Variants in SLC5A7 observed in about 807,000 individuals in gnomAD.
SLC5A7 encodes the protein high affinity choline transporter 1.
A neutral mutation model predicts 55.4 loss-of-function variants in SLC5A7; 19 were observed. That is an observed-to-expected ratio of 0.34 (90% CI 0.24 to 0.50). The LOEUF is 0.50. Among genes scored for constraint, SLC5A7 ranks in the 20% least tolerant of loss-of-function variants. SLC5A7 has a pLI of 0.98. For synonymous variants in SLC5A7, 265 were observed against 263.7 expected (o/e 1.00, Z -0.05); for missense variants, 506 against 705.3 (o/e 0.72, Z 3.20).
intron 2 of SLC5A7, among the ~76,000 whole-genome samples, chr2:107,991,862 T>C (rs1459977583): frequency 1.3e-5 from 2 of 152,180 alleles, no homozygotes; most frequent in Non-Finnish European, 2.9e-5. Context: ...AAGAAATAGG[T>C]AAATTAATGT....
At position 108,010,833 on chromosome 2, in the gene SLC5A7, G is replaced by A. The variant is rs1203381977; in HGVS notation, c.1715G>A (p.Gly572Glu). 1 of 1,590,004 alleles carries A rather than the reference G, an allele frequency of 6.3e-7. No individual in the cohort carries two copies. The highest frequency in any genetic ancestry group is 8.5e-7 in the Non-Finnish European group (1 of 1,173,260). The change falls in exon 9 of 9, where the codon GGG becomes GAG. Residue 572 changes from glycine to glutamate, a missense_variant. Physicochemically the swap from Gly to Glu is moderately conservative, Grantham distance 98 (BLOSUM62 -2). Transcript: ENST00000264047. ...AFLDVDSSPE[G>E]SGTEDNLQ Reference sequence around the variant, plus strand: ...CTTGATGTTGATTCCAGTCCAGAAGGGTCTGGGACTGAAGATAATTTACAG... The same window carrying A: ...CTTGATGTTGATTCCAGTCCAGAAGAGTCTGGGACTGAAGATAATTTACAG...
chr2:108,002,999 C>T (rs1677975538), intron 6 of SLC5A7, among the ~76,000 whole-genome samples: 1 of 152,098 alleles, frequency 6.6e-6, no homozygotes, highest in Non-Finnish European at 1.5e-5. Flanking sequence ...CTAGCATTAC[C>T]TCAACACTCA....
intron 4 of SLC5A7, among the ~76,000 whole-genome samples, chr2:107,993,501 A>G (rs540341375): frequency 3.9e-4 from 59 of 152,358 alleles, no homozygotes; most frequent in African/African-American, 1.3e-3. Flanking sequence ...ACCAGGGGTT[A>G]GTGAGAATAC....
rs1022919602 is a variant in SLC5A7 at position 108,012,832 on chromosome 2, G to A, written c.*1971G>A. On this transcript the variant is annotated 3_prime_UTR_variant, in exon 9 of 9. Transcript: ENST00000264047. ...TCATTAAAGAAAAACCACAGATACT[G>A]AAACATTTGACACATAAAAGTAATT... 9.9e-5 allele frequency: 15 copies of A among 152,114 alleles called. No individual in the cohort carries two copies. Among genetic ancestry groups the A allele is most frequent in the African/African-American group, 2.7e-4 (11 of 41,420 alleles). 9.4% of individuals were successfully genotyped at this position (152,114 alleles called of 1,614,324 possible).
At chr2:108,008,947 C>T (rs1678217574) in intron 8 of SLC5A7, among the ~76,000 whole-genome samples, 1 of 151,568 alleles carries the variant, frequency 6.6e-6, no homozygotes, top group East Asian at 1.9e-4. Flanking sequence ...ATCATTTAAC[C>T]TTTTTGTCTT....
intron 7 of SLC5A7, among the ~76,000 whole-genome samples, chr2:108,008,078 T>C (rs528838421): frequency 6.6e-6 from 1 of 152,210 alleles, no homozygotes; most frequent in Non-Finnish European, 1.5e-5. Context: ...TTTCTTCATT[T>C]ACACATGAAT....
In SLC5A7 at chr2:107,993,111, A is replaced by C; in HGVS notation, c.432A>C (p.Ala144=). The change falls in exon 4 of 9, where the codon GCA becomes GCC. Residue 144 remains alanine (A), a synonymous_variant. Coordinates refer to ENST00000264047, the MANE Select transcript of SLC5A7 (RefSeq NM_021815.5). Reference sequence around the variant, plus strand: ...TGGGAGAAATGTTCTGGGCTGCAGCAATTTTCTCTGCTTTGGGTAAGGACC... The same window carrying C: ...TGGGAGAAATGTTCTGGGCTGCAGCCATTTTCTCTGCTTTGGGTAAGGACC... ...ALMGEMFWAA[A]IFSALGATIS... The C allele has an allele frequency of 6.2e-7, 1 of 1,614,152 alleles. No homozygotes were observed.
Position 108,010,684 on chromosome 2 carries a change from T to G in SLC5A7, c.1566T>G (p.Ser522Arg). ...TTGATGCTGTTGTTGCAAGACACAG[T>G]GAAGAAAACATGGATAAGACAATTC... is the stretch of plus-strand genomic sequence containing the variant. Reference protein sequence around the residue: ...DVFDAVVARHSEENMDKTILV... With the variant: ...DVFDAVVARHREENMDKTILV... Residue 522 changes from serine to arginine, a missense_variant, in exon 9 of 9, where the codon AGT (serine) becomes AGG (arginine). Around this residue, in one of 4 missense-constraint regions of SLC5A7, gnomAD observed 137 missense variants for 143.6 expected, o/e 0.95. Coordinates refer to ENST00000264047, the MANE Select transcript of SLC5A7 (RefSeq NM_021815.5). 1.9e-6 allele frequency: 3 copies of G among 1,613,788 alleles called. No homozygotes were observed. Among genetic ancestry groups the G allele is most frequent in the Non-Finnish European group, 2.5e-6 (3 of 1,179,894 alleles).
At chr2:108,008,040 G>A (rs1254350565) in intron 7 of SLC5A7, among the ~76,000 whole-genome samples, 1 of 152,170 alleles carries the variant, frequency 6.6e-6, no homozygotes. Context: ...ACAGAGAGAT[G>A]ATGGCTGAGA....
At chr2:107,992,789 T>C (rs1377862973) in intron 3 of SLC5A7, among the ~76,000 whole-genome samples, 183 bp from the exon 4 acceptor site, 3 of 152,230 alleles carry the variant, frequency 2.0e-5, no homozygotes, top group Admixed American at 2.0e-4. Flanking sequence ...GTAAGTGTAC[T>C]AAATAAATTA....
Position 107,988,122 on chromosome 2 carries a change from C to G in SLC5A7, c.-34C>G. 1 of 1,599,766 alleles carries G rather than the reference C, an allele frequency of 6.3e-7. No individual in the cohort carries two copies. The highest frequency in any genetic ancestry group is 1.1e-5 in the South Asian group (1 of 89,914). ...TTCTTCAGAAGACTTAATGAAGTAG[C>G]CAGCTGCAGAAGAATCTGGATCATT... On this transcript the variant is annotated 5_prime_UTR_variant, in exon 2 of 9. Coordinates refer to ENST00000264047, the MANE Select transcript of SLC5A7 (RefSeq NM_021815.5).
chr2:108,010,726 TATTAA>T lies in SLC5A7; in HGVS notation c.1613_1617del (p.Lys538ArgfsTer2), dbSNP rs776964247. On this transcript the variant is annotated frameshift_variant, in exon 9 of 9. Transcript: ENST00000264047. LOFTEE classifies it high-confidence loss of function. ...AGACAATTCTTGTCAAAAATGAAAA[TATTAA>T]ATTAGATGAACTTGCACTTGTGAAG... The T allele has an allele frequency of 1.9e-6, 3 of 1,613,768 alleles. No homozygotes were observed. The Admixed American group carries it at 5.0e-5, about 27-fold the overall frequency.
At chr2:107,987,617 G>A (rs1385772233) in intron 1 of SLC5A7, among the ~76,000 whole-genome samples, 1 of 152,114 alleles carries the variant, frequency 6.6e-6, no homozygotes, top group Non-Finnish European at 1.5e-5. Context: ...CTCTGAAGTT[G>A]TTTGAAAGGA....
intron 4 of SLC5A7, among the ~76,000 whole-genome samples, chr2:107,993,689 A>G (rs4676169): frequency 0.46 from 69,916 of 152,022 alleles, 16,394 homozygotes; most frequent in South Asian, 0.64. Context: ...CTGAGACAAC[A>G]GTGTTGCATG....
At chr2:107,998,102 A>G in intron 5 of SLC5A7, 116 bp downstream of exon 5, 1 of 987,162 alleles carries the variant, frequency 1.0e-6, no homozygotes, top group Non-Finnish European at 1.4e-6. Context: ...AATACATACT[A>G]AGTCACATAC....
chr2:107,995,668 C>T (rs1677645897), intron 4 of SLC5A7, among the ~76,000 whole-genome samples: 1 of 152,030 alleles, frequency 6.6e-6, no homozygotes, highest in Non-Finnish European at 1.5e-5. Flanking sequence ...GTGTTTATTA[C>T]AAATAATTTG....
intron 5 of SLC5A7, among the ~76,000 whole-genome samples, 167 bp downstream of exon 5, chr2:107,998,153 ACT>A (rs1677748424): frequency 6.6e-6 from 1 of 152,052 alleles, no homozygotes; most frequent in South Asian, 2.1e-4. Flanking sequence ...TAGATGAAAA[ACT>A]CGTCATTTTG....
rs1678308993 is a variant in SLC5A7, at chr2:108,011,031, A to G, written c.*170A>G. 2 of 594,930 alleles carry G rather than the reference A, an allele frequency of 3.4e-6. No homozygotes were observed. Among genetic ancestry groups the G allele is most frequent in the Non-Finnish European group, 2.6e-6 (1 of 388,656 alleles). The allele number at this position is 594,930 out of a possible 1,614,324, so 36.9% of individuals were successfully genotyped here. On this transcript the variant is annotated 3_prime_UTR_variant, in exon 9 of 9. Coordinates refer to ENST00000264047, the MANE Select transcript of SLC5A7 (RefSeq NM_021815.5). ...AATACAAGCCAAGCTAGAAGGAAGC[A>G]CCTATGAAAGCAACAACTTTGTTTC...
At chr2:107,996,319 A>G (rs1161257371) in intron 4 of SLC5A7, among the ~76,000 whole-genome samples, 2 of 152,216 alleles carry the variant, frequency 1.3e-5, no homozygotes, top group African/African-American at 2.4e-5. Context: ...CCTTGTCTTC[A>G]TTCTCCAACT....
Sources: allele counts gnomAD v4.1 joint callset (sites outside exome capture counted in the v4.1 genomes callset), GRCh38; gene constraint gnomAD v4.1.1; regional missense constraint gnomAD v4.1.1; transcripts MANE v1.5; gene names NCBI Gene and HGNC (gene_info 2026-07-23, HGNC 2026-07-21).